Variants in CNTN4 observed in about 807,000 individuals in gnomAD.
CNTN4 encodes contactin-4.
Under a neutral mutation model 122.5 loss-of-function variants are expected in CNTN4, and 77 were observed. The observed-to-expected ratio is 0.63, with a 90% confidence interval of 0.52 to 0.76. The LOEUF is 0.76. CNTN4 is among the 30% of genes least tolerant of loss of function. The probability of loss-of-function intolerance (pLI) is 0.00; values close to 1 mark genes in which losing one functional copy is unlikely to be tolerated. For missense variants in CNTN4, 1,256 were observed against 1,259.1 expected (o/e 1.00, Z 0.04); for synonymous variants, 512 against 447.0 (o/e 1.15, Z -1.83).
chr3:2,520,543 A>C (rs2077176163), intron 3 of CNTN4, among the ~76,000 whole-genome samples: 1 of 152,106 alleles, frequency 6.6e-6, no homozygotes, highest in South Asian at 2.1e-4. Flanking sequence ...CAAAATGCTA[A>C]GATTACAGGC....
rs572221851 is a variant in CNTN4, at chr3:2,371,014, G to A, written c.-89+31781G>A. 5.3e-5 allele frequency among the ~76,000 whole-genome samples: 8 copies of A among 152,226 alleles called. No homozygotes were observed. In the East Asian group the frequency reaches 7.7e-4, roughly 15 times the overall value. Reference sequence around the variant, plus strand: ...AATTTCATAATTTCAGGTTTATATCGAGTGAGAATTACAATGTGAAGGTCT... The same window carrying A: ...AATTTCATAATTTCAGGTTTATATCAAGTGAGAATTACAATGTGAAGGTCT... On this transcript the variant is annotated intron_variant, in intron 3 of 24. Transcript: ENST00000418658.
intron 13 of CNTN4, among the ~76,000 whole-genome samples, chr3:2,968,942 C>A (rs1240000818): frequency 1.3e-5 from 2 of 152,190 alleles, no homozygotes; most frequent in African/African-American, 2.4e-5. Flanking sequence ...CCAACCCAAA[C>A]TGGCTTATGA....
At chr3:2,288,789 T>C (rs1469279018) in intron 2 of CNTN4, among the ~76,000 whole-genome samples, 1 of 152,096 alleles carries the variant, frequency 6.6e-6, no homozygotes, top group Non-Finnish European at 1.5e-5. Flanking sequence ...AAGTTTTGTT[T>C]TGTTGGTAGG....
chr3:2,474,466 A>G (rs763080555), intron 3 of CNTN4, among the ~76,000 whole-genome samples: 1 of 152,246 alleles, frequency 6.6e-6, no homozygotes, highest in Non-Finnish European at 1.5e-5. Flanking sequence ...CGCTTTCATT[A>G]TAAAACTAGA....
intron 13 of CNTN4, among the ~76,000 whole-genome samples, chr3:2,949,909 CT>C (rs1201748449): frequency 6.6e-6 from 1 of 152,160 alleles, no homozygotes; most frequent in Non-Finnish European, 1.5e-5. Flanking sequence ...AAAAGTAACT[CT>C]TTAATGGCAT....
At chr3:2,574,177 C>G (rs1001361762) in intron 4 of CNTN4, among the ~76,000 whole-genome samples, 3 of 152,322 alleles carry the variant, frequency 2.0e-5, no homozygotes, top group Admixed American at 6.5e-5. Flanking sequence ...GATCACGCCA[C>G]TGCACTCCAG....
chr3:2,495,123 G>A lies in CNTN4; in HGVS notation c.-88-76293G>A, dbSNP rs576679431. Reference sequence around the variant, plus strand: ...GAGCAGCTAAAGTAGAAGATTATTTGAAATGCCGCCTTCAACATCATAATC... The same window carrying A: ...GAGCAGCTAAAGTAGAAGATTATTTAAAATGCCGCCTTCAACATCATAATC... On this transcript the variant is annotated intron_variant, in intron 3 of 24. Transcript: ENST00000418658. Among the ~76,000 whole-genome samples the A allele has an allele frequency of 6.8e-4, 104 of 152,284 alleles. 1 individual carries two copies. The highest frequency in any genetic ancestry group is 2.4e-3 in the African/African-American group (98 of 41,556).
At chr3:2,463,832 G>T (rs2151449579) in intron 3 of CNTN4, among the ~76,000 whole-genome samples, 1 of 152,246 alleles carries the variant, frequency 6.6e-6, no homozygotes, top group South Asian at 2.1e-4. Flanking sequence ...GTCTCACCCT[G>T]CTTCTTTGTG....
chr3:2,278,034 T>A (rs552014779), intron 2 of CNTN4, among the ~76,000 whole-genome samples: 30 of 152,280 alleles, frequency 2.0e-4, no homozygotes, highest in Middle Eastern at 3.4e-3. Flanking sequence ...TGTGCAGGAC[T>A]GTCTAGGTGA....
At chr3:2,910,308 G>A (rs2094286379) in intron 12 of CNTN4, among the ~76,000 whole-genome samples, 1 of 152,188 alleles carries the variant, frequency 6.6e-6, no homozygotes, top group South Asian at 2.1e-4. Context: ...TGCAGCCTAA[G>A]GCATCACTGA....
chr3:2,808,175 C>T (rs770875771), intron 6 of CNTN4, among the ~76,000 whole-genome samples: 5 of 152,046 alleles, frequency 3.3e-5, no homozygotes, highest in Non-Finnish European at 5.9e-5. Flanking sequence ...TTGTATGGCT[C>T]GTAGATTTGT....
chr3:2,441,874 T>C (rs141183676), intron 3 of CNTN4, among the ~76,000 whole-genome samples: 4 of 152,320 alleles, frequency 2.6e-5, no homozygotes, highest in African/African-American at 9.6e-5. Flanking sequence ...TGAATTTTTA[T>C]ATAAATAGAA....
rs1374187625 is a variant in CNTN4 at position 2,605,145 on chromosome 3, C to A, written c.55+33587C>A. Among the ~76,000 whole-genome samples, 2 of 152,176 alleles carry A rather than the reference C, an allele frequency of 1.3e-5. 1 individual carries two copies. The highest frequency in any genetic ancestry group is 1.3e-4 in the Admixed American group (2 of 15,264). Reference sequence around the variant, plus strand: ...CCTCAGCTCCCAAGTGCTAGGACTCCAGGCATGCACACCATGCCTGTCTAA... The same window carrying A: ...CCTCAGCTCCCAAGTGCTAGGACTCAAGGCATGCACACCATGCCTGTCTAA... On this transcript the variant is annotated intron_variant, in intron 4 of 24. Coordinates refer to ENST00000418658, the MANE Select transcript of CNTN4 (RefSeq NM_175607.3).
Position 2,828,115 on chromosome 3 carries a change from G to C in CNTN4, c.454+8534G>C, listed in dbSNP as rs151322278. On this transcript the variant is annotated intron_variant, in intron 7 of 24. Transcript: ENST00000418658. ...TCATTCTCTCTCTCTCTCTCTCTCT[G>C]TGTGTGTTTGTGTATGTGTGTGTGT... Among the ~76,000 whole-genome samples, 1,341 of 151,948 alleles carry C rather than the reference G, an allele frequency of 8.8e-3. 27 individuals carry two copies. Among genetic ancestry groups the C allele is most frequent in the African/African-American group, 0.03 (1,250 of 41,336 alleles).
intron 3 of CNTN4, among the ~76,000 whole-genome samples, chr3:2,485,919 G>A (rs2076146945): frequency 6.6e-6 from 1 of 152,198 alleles, no homozygotes; most frequent in Admixed American, 6.5e-5. Context: ...GGGAATAAAA[G>A]CAGGCTGCCT....
intron 2 of CNTN4, among the ~76,000 whole-genome samples, chr3:2,333,038 T>G (rs1012640825): frequency 6.6e-6 from 1 of 152,196 alleles, no homozygotes; most frequent in Non-Finnish European, 1.5e-5. Flanking sequence ...TCCTATAGAC[T>G]GGAGCATCTG....
intron 10 of CNTN4, among the ~76,000 whole-genome samples, chr3:2,896,032 C>CA (rs919224496): frequency 2.6e-5 from 4 of 151,202 alleles, no homozygotes; most frequent in African/African-American, 7.3e-5. Context: ...GACTCTGTCT[C>CA]AAAAAAAATA....
chr3:2,424,752 G>C (rs900277287), intron 3 of CNTN4, among the ~76,000 whole-genome samples: 1 of 152,102 alleles, frequency 6.6e-6, no homozygotes, highest in East Asian at 1.9e-4. Context: ...TTTAATGATC[G>C]CCATTCTAAC....
chr3:2,426,657 C>T (rs2047846228), intron 3 of CNTN4, among the ~76,000 whole-genome samples: 1 of 152,204 alleles, frequency 6.6e-6, no homozygotes, highest in Non-Finnish European at 1.5e-5. Context: ...ACCAGCCCCT[C>T]TTTGTACCTC....
Sources: gnomAD v4.1 joint callset for allele counts (sites outside exome capture counted in the v4.1 genomes callset) on GRCh38, gnomAD v4.1.1 for gene constraint, MANE v1.5 for transcripts, NCBI Gene and HGNC (gene_info 2026-07-23, HGNC 2026-07-21) for gene names.